The following HMGA2 variants were observed in gnomAD, a reference collection of about 807,000 sequenced individuals.
The protein encoded by HMGA2 is high mobility group AT-hook 2.
A neutral mutation model predicts 19.1 loss-of-function variants in HMGA2; 8 were observed. The ratio of observed to expected loss-of-function variants is 0.42; its 90% CI spans 0.25 to 0.76. HMGA2 has a LOEUF of 0.76. Ranked by LOEUF, HMGA2 falls within the 30% of genes least tolerant of loss-of-function variation. The pLI is 0.28. For synonymous variants in HMGA2, 60 were observed against 48.8 expected (o/e 1.23, Z -0.96); for missense variants, 109 against 136.3 (o/e 0.80, Z 1.00).
At chr12:65,935,892 G>A (rs1875875689) in intron 3 of HMGA2, among the ~76,000 whole-genome samples, 1 of 152,154 alleles carries the variant, frequency 6.6e-6, no homozygotes, top group Non-Finnish European at 1.5e-5. Flanking sequence ...TTTGAAGATA[G>A]GAGAACAAGG....
chr12:65,852,471 C>T (rs773969217), intron 3 of HMGA2, among the ~76,000 whole-genome samples: 3 of 152,062 alleles, frequency 2.0e-5, no homozygotes, highest in Non-Finnish European at 2.9e-5. Flanking sequence ...CCACTGTACT[C>T]TGGCCTGGGT....
chr12:65,946,497 AT>A (rs199754878), intron 3 of HMGA2, among the ~76,000 whole-genome samples: 2 of 151,742 alleles, frequency 1.3e-5, no homozygotes, highest in Non-Finnish European at 2.9e-5. Flanking sequence ...ATTGTGCCTA[AT>A]TTTTTTTTAA....
At chr12:65,888,663 A>G (rs1192896284) in intron 3 of HMGA2, among the ~76,000 whole-genome samples, 1 of 129,998 alleles carries the variant, frequency 7.7e-6, no homozygotes, top group Non-Finnish European at 1.6e-5. Flanking sequence ...TCCCGGGTTC[A>G]TGCCATTCTC....
intron 3 of HMGA2, chr12:65,915,556 G>A: frequency 9.1e-7 from 1 of 1,101,570 alleles, no homozygotes; most frequent in South Asian, 3.1e-5. Flanking sequence ...TCAGTGCCAT[G>A]TAATATCACA....
chr12:65,843,682 A>ACACACACACACACAAG (rs1555180909), intron 3 of HMGA2, among the ~76,000 whole-genome samples: 84 of 151,902 alleles, frequency 5.5e-4, no homozygotes, highest in African/African-American at 1.9e-3. Context: ...ACACACACAC[A>ACACACACACACACAAG]CACACACACA....
intron 3 of HMGA2, among the ~76,000 whole-genome samples, chr12:65,908,806 T>C (rs949063270): frequency 2.0e-5 from 3 of 152,204 alleles, no homozygotes; most frequent in Non-Finnish European, 4.4e-5. Flanking sequence ...CCATATAGAC[T>C]GAGGAGTTTC....
chr12:65,958,379 A>C (rs1876660103), intron 4 of HMGA2: 1 of 152,218 alleles, frequency 6.6e-6, no homozygotes, highest in Non-Finnish European at 1.5e-5. Flanking sequence ...TTGCCAGGTT[A>C]TATTGTTTAT....
chr12:65,942,479 T>C (rs1017466115), intron 3 of HMGA2, among the ~76,000 whole-genome samples: 5 of 152,162 alleles, frequency 3.3e-5, no homozygotes, highest in Non-Finnish European at 5.9e-5. Context: ...CATAAGGAAA[T>C]AGGACTGAAA....
intron 3 of HMGA2, among the ~76,000 whole-genome samples, chr12:65,895,447 G>T (rs1175472484): frequency 1.3e-5 from 2 of 152,086 alleles, no homozygotes; most frequent in African/African-American, 4.8e-5. Context: ...GTACCTAAAG[G>T]TTCTGATTCA....
rs937963367 is a variant in HMGA2, at chr12:65,964,483, T to C, written c.*1191T>C. Reference sequence around the variant, plus strand: ...CCAAGGTGCTTTTCTTCGGCTTGAGTTCACCATCTCTTCATTCAAACTGCA... The same window carrying C: ...CCAAGGTGCTTTTCTTCGGCTTGAGCTCACCATCTCTTCATTCAAACTGCA... On this transcript the variant is annotated 3_prime_UTR_variant, in exon 5 of 5. Coordinates refer to ENST00000403681, the MANE Select transcript of HMGA2 (RefSeq NM_003483.6). 8 of 219,618 alleles carry C rather than the reference T, an allele frequency of 3.6e-5. No individual in the cohort carries two copies. The highest frequency in any genetic ancestry group is 7.3e-5 in the Non-Finnish European group (8 of 109,288). 13.6% of individuals were successfully genotyped at this position (219,618 alleles called of 1,614,324 possible).
At chr12:65,886,398 C>T (rs1345840321) in intron 3 of HMGA2, among the ~76,000 whole-genome samples, 1 of 147,640 alleles carries the variant, frequency 6.8e-6, no homozygotes, top group Non-Finnish European at 1.5e-5. Flanking sequence ...CTCCCTCTAT[C>T]GCCCAGGCTG....
At chr12:65,851,517 A>G (rs1361647222) in intron 3 of HMGA2, 1 of 297,390 alleles carries the variant, frequency 3.4e-6, no homozygotes, top group Non-Finnish European at 6.8e-6. Context: ...CTCCATCTCA[A>G]AAACAAAAAC....
At chr12:65,867,057 T>C (rs962657060) in intron 3 of HMGA2, 2 of 410,404 alleles carry the variant, frequency 4.9e-6, no homozygotes, top group Non-Finnish European at 9.8e-6. Context: ...AAGAGGAGAG[T>C]GTGTGAGGAA....
intron 4 of HMGA2, 75 bp downstream of exon 4, chr12:65,951,490 C>A: frequency 1.1e-6 from 1 of 929,042 alleles, no homozygotes; most frequent in Non-Finnish European, 1.7e-6. Flanking sequence ...TGTCCCCAAA[C>A]TAAACCTTAT....
chr12:65,944,429 C>CCTG (rs1444574353), intron 3 of HMGA2, among the ~76,000 whole-genome samples: 2 of 152,142 alleles, frequency 1.3e-5, no homozygotes, highest in Non-Finnish European at 2.9e-5. Context: ...GAAGAACAAC[C>CCTG]ACAGCATAAG....
chr12:65,827,771 A>C (rs1870280594), intron 1 of HMGA2, among the ~76,000 whole-genome samples: 1 of 152,200 alleles, frequency 6.6e-6, no homozygotes, highest in Admixed American at 6.5e-5. Flanking sequence ...TTGAAGTAGA[A>C]TCTAGTTTTC....
chr12:65,850,363 T>C (rs2120923226), intron 3 of HMGA2, among the ~76,000 whole-genome samples: 1 of 152,296 alleles, frequency 6.6e-6, no homozygotes, highest in South Asian at 2.1e-4. Flanking sequence ...AGGAAACTAA[T>C]TCACACTAAA....
intron 3 of HMGA2, among the ~76,000 whole-genome samples, chr12:65,907,770 G>T (rs1032780959): frequency 1.3e-5 from 2 of 152,260 alleles, no homozygotes; most frequent in East Asian, 1.9e-4. Context: ...TGTTGTGGCC[G>T]CATGGTTCTG....
intron 3 of HMGA2, among the ~76,000 whole-genome samples, chr12:65,919,065 TC>T (rs1319991104): frequency 6.6e-6 from 1 of 152,188 alleles, no homozygotes; most frequent in East Asian, 1.9e-4. Flanking sequence ...AATAGAATTT[TC>T]CCACAGAAGA....
Sources: allele counts gnomAD v4.1 joint callset (sites outside exome capture counted in the v4.1 genomes callset), GRCh38; gene constraint gnomAD v4.1.1; transcripts MANE v1.5; gene names NCBI Gene and HGNC (gene_info 2026-07-23, HGNC 2026-07-21).